PLEKHA4: variants seen among roughly 807,000 people sequenced by gnomAD.
PLEKHA4 encodes pleckstrin homology domain-containing family A member 4.
PLEKHA4 carries 73 observed loss-of-function variants against 94.7 expected under a neutral mutation model. The observed-to-expected ratio is 0.77, with a 90% CI of 0.64 to 0.94. PLEKHA4 has a LOEUF of 0.94. PLEKHA4 is among the 40% of genes least tolerant of loss of function. The probability of loss-of-function intolerance (pLI) is 0.00; values close to 1 mark genes in which losing one functional copy is unlikely to be tolerated. For missense variants in PLEKHA4, 1,049 were observed against 1,054.1 expected (o/e 1.00, Z 0.07); for synonymous variants, 449 against 437.1 (o/e 1.03, Z -0.34).
At chr19:48,864,808 C>T (rs1438784958) in intron 3 of PLEKHA4, among the ~76,000 whole-genome samples, 3 of 152,110 alleles carry the variant, frequency 2.0e-5, no homozygotes, top group Non-Finnish European at 4.4e-5. Context: ...TAAGCTCAAG[C>T]GATCTTCCCG....
Position 48,853,700 on chromosome 19 carries a change from G to A in PLEKHA4, c.1308C>T (p.Thr436=), listed in dbSNP as rs1431142533. ...TGCTCACCTGAGTCAAGTGACAGAG[G>A]GTGGCCCTCACACTGACCAGCCGGT... The part of the protein sequence containing the change: ...LQDRLVSVRA[T]LCHLTQERER... Residue 436 remains threonine (T), a synonymous_variant, in exon 12 of 20, where the codon ACC becomes ACT. Coordinates refer to ENST00000263265, the MANE Select transcript of PLEKHA4 (RefSeq NM_020904.3). 1.3e-6 allele frequency: 2 copies of A among 1,591,064 alleles called. No individual in the cohort carries two copies. Among genetic ancestry groups the A allele is most frequent in the Admixed American group, 3.5e-5 (2 of 57,082 alleles).
rs1188239804 is a variant in PLEKHA4, at chr19:48,837,390, G to C, written c.2239C>G (p.Pro747Ala). The change falls in exon 20 of 20, where the codon CCC becomes GCC. Residue 747 changes from proline to alanine, a missense_variant. Transcript: ENST00000263265. This position sits in a 1 kb window ranked among gnomAD's most constrained non-coding sequence, Gnocchi z 4.3. ...CCGGCATCCCACGCGGGCCCCCAGG[G>C]GGTGGGACCTCCTCCACGCCCACTC... Reference protein sequence around the residue: ...RGSGRGGGPTPWGPAWDAGIA... With the variant: ...RGSGRGGGPTAWGPAWDAGIA... The C allele has an allele frequency of 6.2e-7, 1 of 1,613,652 alleles. No individual in the cohort carries two copies. The highest frequency in any genetic ancestry group is 1.1e-5 in the South Asian group (1 of 91,070).
intron 13 of PLEKHA4, among the ~76,000 whole-genome samples, chr19:48,849,073 C>A (rs149832652): frequency 1.1e-4 from 17 of 150,468 alleles, no homozygotes; most frequent in African/African-American, 3.6e-4. Flanking sequence ...CTAATTTTTT[C>A]ACTTTTATTT....
At chr19:48,844,804 C>CTTTT (rs149141709) in intron 16 of PLEKHA4, among the ~76,000 whole-genome samples, 4 of 70,836 alleles carry the variant, frequency 5.6e-5, no homozygotes, top group East Asian at 4.5e-4. Flanking sequence ...CTCAGGGTGT[C>CTTTT]TTTTTTTTTT....
intron 13 of PLEKHA4, 58 bp downstream of exon 13, chr19:48,852,170 T>C (rs757470441): frequency 3.7e-6 from 5 of 1,354,012 alleles, no homozygotes; most frequent in Middle Eastern, 1.8e-4. Context: ...GCTAAAAGGA[T>C]TTCCAGGCAG....
intron 14 of PLEKHA4, among the ~76,000 whole-genome samples, chr19:48,847,547 C>A (rs1032238097): frequency 5.9e-5 from 9 of 152,176 alleles, no homozygotes; most frequent in Non-Finnish European, 1.0e-4. Context: ...GCCTGGCCAA[C>A]AAGGTGAAAC....
rs999095023 is a variant in PLEKHA4 at position 48,841,217 on chromosome 19, A to G, written c.1837T>C (p.Ser613Pro). ...CTTCCCAGGGTGAGAAGCCGGGGGG[A>G]GGTCGGGCGAGGGAAGGGCCGTCCA... The part of the protein sequence containing the change: ...ECGRPFPRPT[S>P]PRLLTLGRTL... Residue 613 changes from serine to proline, a missense_variant, in exon 17 of 20, where the codon TCC becomes CCC. Transcript: ENST00000263265. 3.7e-6 allele frequency: 6 copies of G among 1,612,334 alleles called. No individual in the cohort carries two copies. The highest frequency in any genetic ancestry group is 1.7e-5 in the Admixed American group (1 of 59,716).
rs2035605945 is a variant in PLEKHA4 at position 48,838,048 on chromosome 19, A to G, written c.2046T>C (p.Thr682=). 1.2e-6 allele frequency: 2 copies of G among 1,613,442 alleles called. No homozygotes were observed. The highest frequency in any genetic ancestry group is 1.7e-6 in the Non-Finnish European group (2 of 1,179,784). Residue 682 remains threonine, a synonymous_variant, in exon 19 of 20, where the codon ACT becomes ACC. Transcript: ENST00000263265. ...RVLSLSQALA[T]EASQWHRMMT... Reference sequence around the variant, plus strand: ...TCATTCTGTGCCACTGCGACGCCTCAGTAGCCAGGGCTTGGGAGAGGCTGA... The same window carrying G: ...TCATTCTGTGCCACTGCGACGCCTCGGTAGCCAGGGCTTGGGAGAGGCTGA...
chr19:48,858,657 G>A (rs1447625838), intron 8 of PLEKHA4, among the ~76,000 whole-genome samples: 2 of 108,332 alleles, frequency 1.8e-5, no homozygotes, highest in East Asian at 2.2e-4. Flanking sequence ...AATGGCCGAA[G>A]ACCAGCCTAG....
At position 48,838,133 on chromosome 19, in the gene PLEKHA4, G is replaced by C; in HGVS notation, c.1965-4C>G. ...GTAAGGGGTGGTGTTCCTTGGACTA[G>C]AAAAAAAAAGAAGATTGGGGGTGGG... On this transcript the variant is annotated splice_polypyrimidine_tract_variant and splice_region_variant and intron_variant, in intron 18 of 19. Transcript: ENST00000263265. 8.0e-7 allele frequency: 1 copy of C among 1,246,438 alleles called. No homozygotes were observed. Among genetic ancestry groups the C allele is most frequent in the Non-Finnish European group, 1.1e-6 (1 of 912,414 alleles). The allele number at this position is 1,246,438 out of a possible 1,614,324, so 77.2% of individuals were successfully genotyped here.
intron 3 of PLEKHA4, among the ~76,000 whole-genome samples, chr19:48,864,039 G>A (rs2036744359): frequency 1.3e-5 from 2 of 152,158 alleles, no homozygotes; most frequent in Admixed American, 6.6e-5. Flanking sequence ...TGACGCTGAT[G>A]CTGCTGGTCT....
chr19:48,838,291 T>C, intron 18 of PLEKHA4, 162 bp from the exon 19 acceptor site: 1 of 515,402 alleles, frequency 1.9e-6, no homozygotes, highest in Non-Finnish European at 3.5e-6. Context: ...TTTAAATAAA[T>C]TAAAGGGTGT....
At chr19:48,848,079 A>G (rs764679255) in intron 13 of PLEKHA4, 39 bp from the exon 14 acceptor site, 69 of 1,605,302 alleles carry the variant, frequency 4.3e-5, no homozygotes, top group Non-Finnish European at 5.3e-5. Flanking sequence ...AAAGGTGGGA[A>G]AACGCAGGAG....
chr19:48,839,276 TG>T lies in PLEKHA4; in HGVS notation c.1906-14del. 6.4e-7 allele frequency: 1 copy of T among 1,572,548 alleles called. No homozygotes were observed. The highest frequency in any genetic ancestry group is 8.7e-7 in the Non-Finnish European group (1 of 1,153,980). ...GTCCTACGACAGGCTGGAAAGGAAT[TG>T]GGGCATTAGAACTCCTCACCTGGAA... On this transcript the variant is annotated splice_polypyrimidine_tract_variant and intron_variant, in intron 17 of 19. Coordinates refer to ENST00000263265, the MANE Select transcript of PLEKHA4 (RefSeq NM_020904.3).
At chr19:48,860,078 G>A (rs2036576235) in intron 6 of PLEKHA4, 1 of 575,140 alleles carries the variant, frequency 1.7e-6, no homozygotes. Context: ...CAGAGAGTGT[G>A]CAATATTGAT....
intron 13 of PLEKHA4, among the ~76,000 whole-genome samples, chr19:48,849,514 C>T (rs960910882): frequency 6.6e-6 from 1 of 151,854 alleles, no homozygotes; most frequent in South Asian, 2.1e-4. Context: ...TCACCATGTT[C>T]GTCAGATTGG....
intron 8 of PLEKHA4, among the ~76,000 whole-genome samples, chr19:48,858,575 C>A (rs573353716): frequency 6.8e-6 from 1 of 146,434 alleles, no homozygotes; most frequent in African/African-American, 2.6e-5. Context: ...TGTAGTGAGC[C>A]GAGATCGTGC....
In PLEKHA4 at chr19:48,845,603, G is replaced by A. The variant is rs1014723986; in HGVS notation, c.1580C>T (p.Ser527Phe). Reference protein sequence around the residue: ...ESSERESLPESLELSSPRSPE... With the variant: ...ESSERESLPEFLELSSPRSPE... The stretch of plus-strand genomic sequence containing the variant: ...GGACCTAGGGGAGCTCAGTTCCAAG[G>A]ACTCTGGCAGGCTCTGCGGGGATTA... Residue 527 changes from serine (S) to phenylalanine (F), a missense_variant, in exon 15 of 20, where the codon TCC (serine) becomes TTC (phenylalanine). Physicochemically the swap from Ser to Phe is radical, Grantham distance 155 (BLOSUM62 -2). Coordinates refer to ENST00000263265, the MANE Select transcript of PLEKHA4 (RefSeq NM_020904.3). 4 of 1,591,292 alleles carry A rather than the reference G, an allele frequency of 2.5e-6. No homozygotes were observed. Among genetic ancestry groups the A allele is most frequent in the Non-Finnish European group, 3.4e-6 (4 of 1,169,372 alleles).
Position 48,837,391 on chromosome 19 carries a change from G to A in PLEKHA4, c.2238C>T (p.Thr746=). The A allele has an allele frequency of 6.2e-7, 1 of 1,613,656 alleles. No individual in the cohort carries two copies. Among genetic ancestry groups the A allele is most frequent in the Non-Finnish European group, 8.5e-7 (1 of 1,179,938 alleles). ...RRGSGRGGGP[T]PWGPAWDAGI... ...CGGCATCCCACGCGGGCCCCCAGGG[G>A]GTGGGACCTCCTCCACGCCCACTCC... Residue 746 remains threonine, a synonymous_variant, in exon 20 of 20, where the codon ACC becomes ACT. Transcript: ENST00000263265. This position sits in a 1 kb window ranked among gnomAD's most constrained non-coding sequence, Gnocchi z 4.3.
Sources: allele counts gnomAD v4.1 joint callset (sites outside exome capture counted in the v4.1 genomes callset), GRCh38; gene constraint gnomAD v4.1.1; non-coding constraint Gnocchi (gnomAD v3.1); transcripts MANE v1.5; gene names NCBI Gene and HGNC (gene_info 2026-07-23, HGNC 2026-07-21).